Variants in HNRNPR observed in about 807,000 individuals in gnomAD.
HNRNPR encodes heterogeneous nuclear ribonucleoprotein R.
Under a neutral mutation model 70.3 loss-of-function variants are expected in HNRNPR, and 4 were observed. That is an observed-to-expected ratio of 0.06 (90% CI 0.03 to 0.13). The LOEUF is 0.13. Ranked by LOEUF, HNRNPR falls within the 10% of genes least tolerant of loss-of-function variation. HNRNPR has a pLI of 1.00. For missense variants in HNRNPR, 423 were observed against 788.5 expected (o/e 0.54, Z 5.55); for synonymous variants, 241 against 267.6 (o/e 0.90, Z 0.97).
At chr1:23,330,091 C>G (rs1260061708) in intron 5 of HNRNPR, among the ~76,000 whole-genome samples, 3 of 152,132 alleles carry the variant, frequency 2.0e-5, no homozygotes, top group Non-Finnish European at 4.4e-5. Flanking sequence ...TTCTGTGACA[C>G]CACCATGAAT....
intron 4 of HNRNPR, among the ~76,000 whole-genome samples, chr1:23,334,386 G>A (rs1454230816): frequency 6.6e-6 from 1 of 151,866 alleles, no homozygotes; most frequent in African/African-American, 2.4e-5. Context: ...ACAGGCACCC[G>A]CCACAACGCC....
At chr1:23,312,917 T>C (rs974893697) in intron 9 of HNRNPR, among the ~76,000 whole-genome samples, 1 of 152,120 alleles carries the variant, frequency 6.6e-6, no homozygotes, top group Non-Finnish European at 1.5e-5. Flanking sequence ...ATTTCACCCA[T>C]TAAAGATAGT....
Position 23,318,714 on chromosome 1 carries a change from A to G in HNRNPR, c.812-26T>C. ...CTGTTAAACCAACAGCCAGATATATAAGCCAAAAGCATCCACCACACATCT... is the reference window on the plus strand; with the variant it reads ...CTGTTAAACCAACAGCCAGATATATGAGCCAAAAGCATCCACCACACATCT... On this transcript the variant is annotated intron_variant, in intron 7 of 10. Transcript: ENST00000302271. This position sits in a 1 kb window ranked among gnomAD's most constrained non-coding sequence, Gnocchi z 4.2. The G allele has an allele frequency of 6.2e-7, 1 of 1,610,656 alleles. No homozygotes were observed. Among genetic ancestry groups the G allele is most frequent in the Non-Finnish European group, 8.5e-7 (1 of 1,177,496 alleles).
At chr1:23,332,710 A>C (rs1319422085) in intron 5 of HNRNPR, among the ~76,000 whole-genome samples, 2 of 151,068 alleles carry the variant, frequency 1.3e-5, no homozygotes, top group Non-Finnish European at 2.9e-5. Context: ...TCAAAAAAAA[A>C]AAAACAAAAC....
rs1164176937 is a variant in HNRNPR, at chr1:23,307,071, TTTTC to T, written c.*3379_*3382del. 5.8e-4 allele frequency: 88 copies of T among 152,334 alleles called. No homozygotes were observed. Among genetic ancestry groups the T allele is most frequent in the African/African-American group, 2.1e-3 (86 of 41,596 alleles). The allele number at this position is 152,334 out of a possible 1,614,324, so 9.4% of individuals were successfully genotyped here. ...CTACACTAATATTAACTTTGGTTAGTTTTCTTTAAGAATATTGGTAGCTCAGTAT... is the reference window on the plus strand; with the variant it reads ...CTACACTAATATTAACTTTGGTTAGTTTTAAGAATATTGGTAGCTCAGTAT... On this transcript the variant is annotated 3_prime_UTR_variant, in exon 11 of 11. Transcript: ENST00000302271.
intron 2 of HNRNPR, among the ~76,000 whole-genome samples, chr1:23,338,963 TTTATA>T (rs1646609177): frequency 6.6e-6 from 1 of 152,204 alleles, no homozygotes; most frequent in African/African-American, 2.4e-5. Flanking sequence ...CAAATTTTGG[TTTATA>T]TTAGAGTGAT....
At chr1:23,314,900 G>C (rs1349313109) in intron 8 of HNRNPR, among the ~76,000 whole-genome samples, 1 of 152,098 alleles carries the variant, frequency 6.6e-6, no homozygotes, top group Non-Finnish European at 1.5e-5. Context: ...TTCCAGCACT[G>C]TAAGAGCAAA....
chr1:23,322,591 GATT>G (rs1645803298), intron 6 of HNRNPR, among the ~76,000 whole-genome samples: 2 of 152,078 alleles, frequency 1.3e-5, no homozygotes, highest in African/African-American at 4.8e-5. Context: ...TAAGAGATAT[GATT>G]ATTAAAAATA....
Position 23,315,685 on chromosome 1 carries a change from T to C in HNRNPR, c.1018-1983A>G, listed in dbSNP as rs948258357. 3.3e-5 allele frequency among the ~76,000 whole-genome samples: 5 copies of C among 152,218 alleles called. 1 individual carries two copies. Among genetic ancestry groups the C allele is most frequent in the Admixed American group, 6.5e-5 (1 of 15,284 alleles). On this transcript the variant is annotated intron_variant, in intron 8 of 10. Transcript: ENST00000302271. ...AAATTTCTTTGTCTATACTTTTCTA[T>C]ATAACTTTTGAACTAAGAAAACATA...
At position 23,333,329 on chromosome 1, in the gene HNRNPR, G is replaced by A. The variant is rs187170944; in HGVS notation, c.498+189C>T. On this transcript the variant is annotated intron_variant, in intron 5 of 10. Transcript: ENST00000302271. ...TATTATATTCCTATATAAAGTGTTCGGGTATCTACCAGTCACAAGATTATC... is the reference window on the plus strand; with the variant it reads ...TATTATATTCCTATATAAAGTGTTCAGGTATCTACCAGTCACAAGATTATC... 3.1e-3 allele frequency among the ~76,000 whole-genome samples: 475 copies of A among 152,190 alleles called. 2 individuals are homozygous for A. The highest frequency in any genetic ancestry group is 0.02 in the Middle Eastern group (6 of 294).
At position 23,310,505 on chromosome 1, in the gene HNRNPR, A is replaced by G; in HGVS notation, c.1851T>C (p.Asn617=). The G allele has an allele frequency of 1.2e-6, 2 of 1,613,300 alleles. No homozygotes were observed. Among genetic ancestry groups the G allele is most frequent in the Non-Finnish European group, 1.7e-6 (2 of 1,179,694 alleles). Residue 617 remains asparagine (N), a synonymous_variant, in exon 11 of 11, where the codon AAT becomes AAC. Coordinates refer to ENST00000302271, the MANE Select transcript of HNRNPR (RefSeq NM_005826.5). The surrounding 1 kb of genome is among the most constrained non-coding windows in gnomAD (Gnocchi z 6.0). ...CCTGATAAAATTCCTGGTTGTCATTATTGTAACCATAGTTACCAGAATAGT... is the reference window on the plus strand; with the variant it reads ...CCTGATAAAATTCCTGGTTGTCATTGTTGTAACCATAGTTACCAGAATAGT... ...GGDYSGNYGY[N]NDNQEFYQDT...
chr1:23,311,320 A>G lies in HNRNPR; in HGVS notation c.1170T>C (p.Ala390=). The part of the protein sequence containing the change: ...HFEDRGAAVK[A]MDEMNGKEIE... ...TTTCTTTGCCATTCATTTCATCCAT[A>G]GCCTATAAAAAATTAGAAAAATTAT... The change falls in exon 10 of 11, where the codon GCT becomes GCC. Residue 390 remains alanine (A), a splice_region_variant and synonymous_variant. Coordinates refer to ENST00000302271, the MANE Select transcript of HNRNPR (RefSeq NM_005826.5). 1 of 1,568,514 alleles carries G rather than the reference A, an allele frequency of 6.4e-7. No homozygotes were observed. The highest frequency in any genetic ancestry group is 8.7e-7 in the Non-Finnish European group (1 of 1,143,048).
rs751850988 is a variant in HNRNPR at position 23,310,818 on chromosome 1, G to A, written c.1538C>T (p.Pro513Leu). 3.1e-6 allele frequency: 5 copies of A among 1,613,952 alleles called. No homozygotes were observed. Among genetic ancestry groups the A allele is most frequent in the East Asian group, 2.2e-5 (1 of 44,854 alleles). The stretch of plus-strand genomic sequence containing the variant: ...TGGTGCTCCCCTCCCCCTTGGTGGT[G>A]GTGGAGCACCTCGCCCTCCCCTTCC... ...GGGRGGRGAP[P>L]PPRGRGAPPP... Residue 513 changes from proline (P) to leucine (L), a missense_variant, in exon 11 of 11, where the codon CCA becomes CTA. Transcript: ENST00000302271. The surrounding 1 kb of genome is among the most constrained non-coding windows in gnomAD (Gnocchi z 6.0).
chr1:23,329,186 C>T (rs115790084), intron 5 of HNRNPR, among the ~76,000 whole-genome samples: 3,836 of 152,208 alleles, frequency 0.025, 79 homozygotes, highest in Non-Finnish European at 0.042. Flanking sequence ...ATACTATAGT[C>T]ACGTGAGTCC....
chr1:23,343,716 T>G (rs1392893681), intron 1 of HNRNPR, among the ~76,000 whole-genome samples: 1 of 152,150 alleles, frequency 6.6e-6, no homozygotes, highest in Non-Finnish European at 1.5e-5. Context: ...CACACAAAAC[T>G]TTTCTCCCGG....
intron 7 of HNRNPR, among the ~76,000 whole-genome samples, chr1:23,319,633 A>G (rs1645680506): frequency 6.6e-6 from 1 of 152,200 alleles, no homozygotes; most frequent in South Asian, 2.1e-4. Context: ...ATATCCCATA[A>G]ACAAGAAATA....
rs562643854 is a variant in HNRNPR at position 23,343,312 on chromosome 1, G to A, written c.-10+899C>T. Among the ~76,000 whole-genome samples, 11 of 152,232 alleles carry A rather than the reference G, an allele frequency of 7.2e-5. No individual in the cohort carries two copies. In the East Asian group the frequency reaches 9.7e-4, roughly 13 times the overall value. ...GTGCAAATTCTTCATATTAAGAGAC[G>A]GGCTTTAAAAGAACCAACGAAATGA... On this transcript the variant is annotated intron_variant, in intron 1 of 10. Transcript: ENST00000302271.
intron 9 of HNRNPR, among the ~76,000 whole-genome samples, chr1:23,312,454 C>A (rs528257764): frequency 6.6e-6 from 1 of 152,112 alleles, no homozygotes; most frequent in Non-Finnish European, 1.5e-5. Context: ...ATTTAGACAG[C>A]ATAAAATTAT....
chr1:23,321,767 C>T, intron 6 of HNRNPR, 104 bp from the exon 7 acceptor site: 3 of 1,066,868 alleles, frequency 2.8e-6, no homozygotes, highest in Non-Finnish European at 4.0e-6. Context: ...CTCCCTGCTT[C>T]ATCAACTCAC....
Sources: allele counts gnomAD v4.1 joint callset (sites outside exome capture counted in the v4.1 genomes callset), GRCh38; gene constraint gnomAD v4.1.1; non-coding constraint Gnocchi (gnomAD v3.1); transcripts MANE v1.5; gene names NCBI Gene and HGNC (gene_info 2026-07-23, HGNC 2026-07-21).